KCNQ5: variants seen among roughly 807,000 people sequenced by gnomAD.
KCNQ5 encodes potassium voltage-gated channel subfamily KQT member 5.
Under a neutral mutation model 98.2 loss-of-function variants are expected in KCNQ5, and 30 were observed. The ratio of observed to expected loss-of-function variants is 0.31; its 90% CI spans 0.23 to 0.41. The LOEUF (loss-of-function observed/expected upper bound fraction) is 0.41. Ranked by LOEUF, KCNQ5 falls within the 10% of genes least tolerant of loss-of-function variation. The pLI, the probability that KCNQ5 is intolerant of heterozygous loss-of-function variation, is 1.00. For synonymous variants in KCNQ5, 458 were observed against 449.4 expected (o/e 1.02, Z -0.24); for missense variants, 835 against 1,182.5 (o/e 0.71, Z 4.31).
intron 1 of KCNQ5, among the ~76,000 whole-genome samples, chr6:72,818,755 A>T (rs1222866400): frequency 6.6e-6 from 1 of 151,124 alleles, no homozygotes; most frequent in East Asian, 1.9e-4. Flanking sequence ...TTATTTTAAA[A>T]TAATAAATAT....
chr6:72,734,622 A>G (rs1770731594), intron 1 of KCNQ5, among the ~76,000 whole-genome samples: 1 of 152,198 alleles, frequency 6.6e-6, no homozygotes, highest in Non-Finnish European at 1.5e-5. Context: ...TTTGATACCC[A>G]GTTAAGATTA....
At chr6:73,193,047 G>A (rs1765652216) in intron 13 of KCNQ5, among the ~76,000 whole-genome samples, 1 of 131,668 alleles carries the variant, frequency 7.6e-6, no homozygotes, top group South Asian at 2.4e-4. Flanking sequence ...TTGAGACAGA[G>A]TCTCACTCTA....
intron 10 of KCNQ5, among the ~76,000 whole-genome samples, chr6:73,140,133 A>G (rs769569743): frequency 3.9e-5 from 6 of 152,218 alleles, no homozygotes; most frequent in Non-Finnish European, 8.8e-5. Flanking sequence ...CTGAACTAAC[A>G]GTCTCTTGTA....
chr6:72,718,811 G>A (rs1472581043), intron 1 of KCNQ5, among the ~76,000 whole-genome samples: 3 of 152,152 alleles, frequency 2.0e-5, no homozygotes, highest in Non-Finnish European at 4.4e-5. Context: ...TAGACAAGGA[G>A]AGACTAAACA....
chr6:72,751,849 A>G, intron 1 of KCNQ5, among the ~76,000 whole-genome samples: 1 of 152,146 alleles, frequency 6.6e-6, no homozygotes, highest in South Asian at 2.1e-4. Flanking sequence ...TGATGGTCAG[A>G]AAATATTTAT....
intron 5 of KCNQ5, among the ~76,000 whole-genome samples, chr6:73,087,631 G>A (rs1180247074): frequency 6.6e-6 from 1 of 151,902 alleles, no homozygotes; most frequent in Non-Finnish European, 1.5e-5. Context: ...AGAAAGGAAA[G>A]TCTAAGAAGA....
At chr6:72,628,885 T>G (rs2098919354) in intron 1 of KCNQ5, among the ~76,000 whole-genome samples, 1 of 152,108 alleles carries the variant, frequency 6.6e-6, no homozygotes, top group Admixed American at 6.5e-5. Flanking sequence ...AGTGCTGGGA[T>G]TACAGGCATG....
chr6:72,801,167 T>G (rs1179461420), intron 1 of KCNQ5, among the ~76,000 whole-genome samples: 1 of 151,328 alleles, frequency 6.6e-6, no homozygotes, highest in Non-Finnish European at 1.5e-5. Flanking sequence ...CTGAGTTCAA[T>G]TCCTGGGTAT....
At chr6:72,842,950 G>A (rs905688677) in intron 1 of KCNQ5, among the ~76,000 whole-genome samples, 1 of 152,166 alleles carries the variant, frequency 6.6e-6, no homozygotes, top group African/African-American at 2.4e-5. Flanking sequence ...TGTTTGCTCT[G>A]ATGATAGTTT....
At chr6:72,632,103 C>T (rs76546252) in intron 1 of KCNQ5, among the ~76,000 whole-genome samples, 7,292 of 151,438 alleles carry the variant, frequency 0.048, 555 homozygotes, top group African/African-American at 0.16. Flanking sequence ...CTTTACTTTG[C>T]CTGTTAGAGT....
chr6:73,174,926 C>T (rs1031577398), intron 11 of KCNQ5, among the ~76,000 whole-genome samples: 2 of 152,204 alleles, frequency 1.3e-5, no homozygotes, highest in Admixed American at 6.5e-5. Context: ...CTCCACTGCC[C>T]GTCCTCTGCT....
intron 1 of KCNQ5, among the ~76,000 whole-genome samples, chr6:72,906,961 G>A (rs1355299197): frequency 6.6e-6 from 1 of 152,168 alleles, no homozygotes; most frequent in Non-Finnish European, 1.5e-5. Flanking sequence ...TTCTGATTAT[G>A]TTATTTATTT....
In KCNQ5 at chr6:72,632,442, G is replaced by GT. The variant is rs962857983; in HGVS notation, c.398+9864dup. ...AGGCGTGAGCCACCGCGCCTGGCCA[G>GT]TTTTTTTTTCTTTTTTTAAAAAATC... On this transcript the variant is annotated intron_variant, in intron 1 of 13. Coordinates refer to ENST00000370398, the MANE Select transcript of KCNQ5 (RefSeq NM_019842.4). Among the ~76,000 whole-genome samples, 15 of 151,182 alleles carry GT rather than the reference G, an allele frequency of 9.9e-5. No homozygotes were observed. In the East Asian group the frequency reaches 1.7e-3, roughly 18 times the overall value.
At chr6:72,702,955 C>T (rs1462868316) in intron 1 of KCNQ5, among the ~76,000 whole-genome samples, 1 of 150,254 alleles carries the variant, frequency 6.7e-6, no homozygotes, top group Non-Finnish European at 1.5e-5. Flanking sequence ...CTGCCTCAAT[C>T]CCTGTTCAAC....
intron 1 of KCNQ5, among the ~76,000 whole-genome samples, chr6:72,788,118 C>T (rs777133902): frequency 3.9e-5 from 6 of 151,920 alleles, no homozygotes; most frequent in Non-Finnish European, 7.4e-5. Flanking sequence ...AATAAGTGAA[C>T]GGATGAATGA....
At chr6:72,770,068 C>T (rs1432028569) in intron 1 of KCNQ5, among the ~76,000 whole-genome samples, 1 of 152,102 alleles carries the variant, frequency 6.6e-6, no homozygotes, top group Non-Finnish European at 1.5e-5. Flanking sequence ...ATCTCTACAC[C>T]ATCTCAAGCA....
intron 9 of KCNQ5, among the ~76,000 whole-genome samples, chr6:73,127,736 C>A (rs1336438398): frequency 6.6e-6 from 1 of 152,128 alleles, no homozygotes; most frequent in African/African-American, 2.4e-5. Context: ...GGAAAAATGT[C>A]ACATTATTTA....
intron 1 of KCNQ5, among the ~76,000 whole-genome samples, chr6:72,995,858 T>C (rs1259934310): frequency 6.6e-6 from 1 of 152,226 alleles, no homozygotes; most frequent in Non-Finnish European, 1.5e-5. Flanking sequence ...TTTAGTTCTT[T>C]TAAAAAAAAT....
intron 3 of KCNQ5, among the ~76,000 whole-genome samples, chr6:73,051,705 C>CAAAAAAAAAAAAAAAAAAAAAAAAAAA (rs201199934): frequency 4.1e-5 from 4 of 97,178 alleles, no homozygotes; most frequent in African/African-American, 1.7e-4. Context: ...AAGATAGAGG[C>CAAAAAAAAAAAAAAAAAAAAAAAAAAA]AAAAAAAAAA....
Sources: allele counts gnomAD v4.1 joint callset (sites outside exome capture counted in the v4.1 genomes callset), GRCh38; gene constraint gnomAD v4.1.1; transcripts MANE v1.5; gene names NCBI Gene and HGNC (gene_info 2026-07-23, HGNC 2026-07-21).